The following AOAH variants were observed in gnomAD, a reference collection of about 807,000 sequenced individuals.
AOAH encodes acyloxyacyl hydrolase (neutrophil).
A neutral mutation model predicts 92.2 loss-of-function variants in AOAH; 64 were observed. That is an observed-to-expected ratio of 0.69 (90% CI 0.57 to 0.86). The LOEUF (loss-of-function observed/expected upper bound fraction) is 0.86. Ranked by LOEUF, AOAH falls within the 40% of genes least tolerant of loss-of-function variation. The probability of loss-of-function intolerance (pLI) is 0.00; values close to 1 mark genes in which losing one functional copy is unlikely to be tolerated. For missense variants in AOAH, 656 were observed against 694.6 expected, an observed-to-expected ratio of 0.94 and a Z score of 0.62; for synonymous variants, 263 against 254.5, an observed-to-expected ratio of 1.03 and a Z score of -0.32.
chr7:36,707,888 G>A (rs1245535333), intron 1 of AOAH, among the ~76,000 whole-genome samples: 2 of 151,600 alleles, frequency 1.3e-5, no homozygotes, highest in Non-Finnish European at 2.9e-5. Context: ...GTCTTTTTCT[G>A]TTTCCCAGGC....
chr7:36,715,366 G>A (rs1442070932), intron 1 of AOAH, among the ~76,000 whole-genome samples: 3 of 152,156 alleles, frequency 2.0e-5, no homozygotes, highest in Non-Finnish European at 4.4e-5. Context: ...TCATGGGTAG[G>A]AAGAATCAGT....
chr7:36,547,994 C>A (rs1175960228), intron 15 of AOAH, among the ~76,000 whole-genome samples: 4 of 152,230 alleles, frequency 2.6e-5, no homozygotes, highest in Middle Eastern at 6.8e-3. Flanking sequence ...AACTGTGCTT[C>A]TGCCTTATTT....
chr7:36,585,397 C>T (rs1789251260), intron 12 of AOAH, among the ~76,000 whole-genome samples: 1 of 152,116 alleles, frequency 6.6e-6, no homozygotes, highest in East Asian at 1.9e-4. Flanking sequence ...AACAAATATT[C>T]TCATATACTA....
intron 1 of AOAH, among the ~76,000 whole-genome samples, chr7:36,711,365 CA>C (rs906479357): frequency 1.8e-4 from 27 of 151,088 alleles, no homozygotes; most frequent in Middle Eastern, 3.4e-3. Context: ...AATATATTTA[CA>C]AAAAAAAATT....
intron 13 of AOAH, among the ~76,000 whole-genome samples, chr7:36,570,834 T>G (rs995165410): frequency 6.6e-6 from 1 of 152,346 alleles, no homozygotes; most frequent in Admixed American, 6.5e-5. Flanking sequence ...GCTTTAGTTC[T>G]TCTCAAAGGT....
chr7:36,658,262 A>T (rs1027718223), intron 4 of AOAH, among the ~76,000 whole-genome samples: 1 of 152,194 alleles, frequency 6.6e-6, no homozygotes, highest in African/African-American at 2.4e-5. Flanking sequence ...AATCATGGTC[A>T]TTGGTTAGGC....
intron 13 of AOAH, among the ~76,000 whole-genome samples, chr7:36,575,112 C>T (rs570256300): frequency 7.9e-5 from 12 of 152,158 alleles, no homozygotes; most frequent in African/African-American, 2.2e-4. Flanking sequence ...AAAGAAAGTG[C>T]AGCCACACAC....
At chr7:36,709,157 T>G (rs1798610090) in intron 1 of AOAH, among the ~76,000 whole-genome samples, 1 of 152,178 alleles carries the variant, frequency 6.6e-6, no homozygotes, top group South Asian at 2.1e-4. Context: ...CACCGTTGCT[T>G]CATCAGGGAT....
At chr7:36,704,078 T>C (rs1405443053) in intron 1 of AOAH, among the ~76,000 whole-genome samples, 2 of 152,218 alleles carry the variant, frequency 1.3e-5, no homozygotes, top group Non-Finnish European at 2.9e-5. Context: ...ATTGTGGTTT[T>C]GATTTGCATT....
At chr7:36,610,024 A>G (rs1345808933) in intron 11 of AOAH, among the ~76,000 whole-genome samples, 5 of 152,234 alleles carry the variant, frequency 3.3e-5, no homozygotes, top group African/African-American at 9.6e-5. Flanking sequence ...GCTATTGGCT[A>G]AGCCTGGTAT....
chr7:36,637,994 T>C, intron 4 of AOAH, 84 bp from the exon 5 acceptor site: 1 of 1,155,896 alleles, frequency 8.7e-7, no homozygotes, highest in East Asian at 2.5e-5. Context: ...ATATTTAAAG[T>C]CCATAAGTTT....
chr7:36,679,292 A>C (rs1277904309), intron 2 of AOAH, among the ~76,000 whole-genome samples: 2 of 151,054 alleles, frequency 1.3e-5, no homozygotes, highest in African/African-American at 4.8e-5. Context: ...CAATAAATAT[A>C]TATATAAAAA....
rs1165708779 is a variant in AOAH, at chr7:36,528,954, G to A, written c.1522+1464C>T. On this transcript the variant is annotated intron_variant, in intron 19 of 20. Transcript: ENST00000617537. ...TTAGGTAGGTCTGGAGTAGGGCCTG[G>A]AATTCTGCATTTATAACCAGCTCCT... 4.6e-5 allele frequency among the ~76,000 whole-genome samples: 7 copies of A among 152,210 alleles called. No individual in the cohort carries two copies. The East Asian group carries it at 7.7e-4, about 17-fold the overall frequency.
intron 19 of AOAH, among the ~76,000 whole-genome samples, chr7:36,529,649 T>C (rs952413668): frequency 5.9e-5 from 9 of 152,214 alleles, no homozygotes; most frequent in Admixed American, 4.6e-4. Flanking sequence ...TCGCCTACAC[T>C]GTGAAACCCT....
intron 9 of AOAH, 86 bp from the exon 10 acceptor site, chr7:36,618,431 G>T: frequency 8.2e-7 from 1 of 1,217,056 alleles, no homozygotes; most frequent in Non-Finnish European, 1.2e-6. Flanking sequence ...GGCTTTAAAA[G>T]CACAAAGGCA....
At chr7:36,596,170 C>T (rs1298698362) in intron 11 of AOAH, among the ~76,000 whole-genome samples, 1 of 133,286 alleles carries the variant, frequency 7.5e-6, no homozygotes, top group Non-Finnish European at 1.6e-5. Flanking sequence ...AAAGCCCCCC[C>T]ACCCCCCGTC....
At chr7:36,570,466 CAGG>C (rs1447102841) in intron 13 of AOAH, among the ~76,000 whole-genome samples, 1 of 152,218 alleles carries the variant, frequency 6.6e-6, no homozygotes, top group Non-Finnish European at 1.5e-5. Context: ...TCCATGAACA[CAGG>C]AGTGCACATA....
chr7:36,611,804 G>A (rs1030818571), intron 11 of AOAH, among the ~76,000 whole-genome samples: 6 of 152,162 alleles, frequency 3.9e-5, no homozygotes, highest in African/African-American at 1.2e-4. Context: ...ATACTGGTCC[G>A]CAACATTTTC....
At chr7:36,694,642 CTTCA>C (rs1463907659) in intron 1 of AOAH, among the ~76,000 whole-genome samples, 1 of 152,156 alleles carries the variant, frequency 6.6e-6, no homozygotes, top group African/African-American at 2.4e-5. Flanking sequence ...CTGAGATTTA[CTTCA>C]TTCAAGTTAT....
Sources: allele counts gnomAD v4.1 joint callset (sites outside exome capture counted in the v4.1 genomes callset), GRCh38; gene constraint gnomAD v4.1.1; transcripts MANE v1.5; gene names NCBI Gene and HGNC (gene_info 2026-07-23, HGNC 2026-07-21).